The following DNAI4 variants were observed in gnomAD, a reference collection of about 807,000 sequenced individuals.
DNAI4 encodes the protein WD repeat domain 78.
A neutral mutation model predicts 105.8 loss-of-function variants in DNAI4; 85 were observed. The ratio of observed to expected loss-of-function variants is 0.80; its 90% CI spans 0.67 to 0.96. The LOEUF (loss-of-function observed/expected upper bound fraction) is 0.96, where lower values mean the gene tolerates loss of function less well. Among genes scored for constraint, DNAI4 ranks in the 40% least tolerant of loss-of-function variants. DNAI4 has a pLI of 0.00. For synonymous variants in DNAI4, 352 were observed against 331.5 expected (o/e 1.06, Z -0.67); for missense variants, 1,014 against 1,005.6 (o/e 1.01, Z -0.11).
intron 1 of DNAI4, among the ~76,000 whole-genome samples, chr1:66,911,297 C>G (rs531262334): frequency 6.6e-6 from 1 of 152,292 alleles, no homozygotes; most frequent in South Asian, 2.1e-4. Context: ...CTTACATGCT[C>G]TCTCTGGGCA....
intron 13 of DNAI4, among the ~76,000 whole-genome samples, chr1:66,832,231 A>G (rs1469489325): frequency 6.6e-6 from 1 of 152,250 alleles, no homozygotes; most frequent in Admixed American, 6.5e-5. Flanking sequence ...TAGTAAAAGT[A>G]AAAAATAAGA....
At position 66,814,183 on chromosome 1, in the gene DNAI4, G is replaced by GA. The variant is rs754119466; in HGVS notation, c.2497-4dup. 5.0e-3 allele frequency: 6,689 copies of GA among 1,344,210 alleles called. No homozygotes were observed. The highest frequency in any genetic ancestry group is 7.2e-3 in the Admixed American group (350 of 48,900). The allele number at this position is 1,344,210 out of a possible 1,614,324, so 83.3% of individuals were successfully genotyped here. A position where few individuals can be genotyped will look rare whatever the true frequency, so the allele number is the denominator to read the frequency against. On this transcript the variant is annotated splice_region_variant and splice_polypyrimidine_tract_variant and intron_variant, in intron 16 of 16. Coordinates refer to ENST00000371026, the MANE Select transcript of DNAI4 (RefSeq NM_024763.5). Reference sequence around the variant, plus strand: ...AGCAAAGTATCCATTATATCTCCCTGAAAAAAAAAAGTCACACAATTACAA... The same window carrying GA: ...AGCAAAGTATCCATTATATCTCCCTGAAAAAAAAAAAGTCACACAATTACAA...
Position 66,812,939 on chromosome 1 carries a change from C to G in DNAI4, c.*1191G>C, listed in dbSNP as rs1209974962. ...TCTTACACAAGGTGTTATAGAAAAT[C>G]CAATCTTTCAGAAAGACAAAAACAA... On this transcript the variant is annotated 3_prime_UTR_variant, in exon 17 of 17. Coordinates refer to ENST00000371026, the MANE Select transcript of DNAI4 (RefSeq NM_024763.5). 6.6e-6 allele frequency: 1 copy of G among 152,228 alleles called. No individual in the cohort carries two copies. Among genetic ancestry groups the G allele is most frequent in the Non-Finnish European group, 1.5e-5 (1 of 68,006 alleles). The allele number at this position is 152,228 out of a possible 1,614,324, so 9.4% of individuals were successfully genotyped here. A position where few individuals can be genotyped will look rare whatever the true frequency, so the allele number is the denominator to read the frequency against.
intron 4 of DNAI4, 58 bp downstream of exon 4, chr1:66,891,096 T>G (rs1366207983): frequency 8.8e-6 from 11 of 1,255,006 alleles, no homozygotes; most frequent in Non-Finnish European, 2.3e-6. Flanking sequence ...CAACCAATAA[T>G]AAGCATATTG....
intron 7 of DNAI4, among the ~76,000 whole-genome samples, chr1:66,860,007 A>G (rs777721975): frequency 2.6e-4 from 40 of 152,260 alleles, no homozygotes; most frequent in African/African-American, 4.3e-4. Flanking sequence ...TGGTTCACCA[A>G]TTGTAACAAA....
chr1:66,848,097 TC>T (rs2100530687), intron 7 of DNAI4: 1 of 410,534 alleles, frequency 2.4e-6, no homozygotes, highest in African/African-American at 2.1e-5. Context: ...ATCTTACAGT[TC>T]AGTAGATTAG....
chr1:66,869,493 T>C (rs191306358), intron 6 of DNAI4, among the ~76,000 whole-genome samples: 90 of 152,300 alleles, frequency 5.9e-4, no homozygotes, highest in Admixed American at 1.4e-3. Flanking sequence ...CAGTAATCCA[T>C]TTAAAAATAT....
intron 13 of DNAI4, among the ~76,000 whole-genome samples, chr1:66,830,968 C>G (rs1353860066): frequency 9.3e-6 from 1 of 107,448 alleles, no homozygotes; most frequent in Middle Eastern, 5.4e-3. Flanking sequence ...CAGAGTGAGA[C>G]TCTGTCACAA....
rs1299735980 is a variant in DNAI4, at chr1:66,878,068, T to C, written c.644-3131A>G. 3.9e-5 allele frequency among the ~76,000 whole-genome samples: 6 copies of C among 152,318 alleles called. No individual in the cohort carries two copies. In the East Asian group the frequency reaches 9.6e-4, roughly 24 times the overall value. ...AGTCAACATGCAAAGCCCATACTTG[T>C]AGAATGGGAAGTTAAGATCCACCTT... On this transcript the variant is annotated intron_variant, in intron 4 of 16. Coordinates refer to ENST00000371026, the MANE Select transcript of DNAI4 (RefSeq NM_024763.5).
intron 8 of DNAI4, among the ~76,000 whole-genome samples, chr1:66,841,111 T>C (rs1272334418): frequency 1.3e-5 from 2 of 152,220 alleles, no homozygotes; most frequent in Non-Finnish European, 2.9e-5. Flanking sequence ...TTGTCAGATT[T>C]ACTTCCCACA....
chr1:66,817,965 T>C (rs1645552281), intron 16 of DNAI4, among the ~76,000 whole-genome samples: 1 of 152,138 alleles, frequency 6.6e-6, no homozygotes, highest in Middle Eastern at 3.2e-3. Flanking sequence ...TGGCTAGTTG[T>C]GAAAATAATC....
intron 13 of DNAI4, chr1:66,828,672 A>G (rs1048927281): frequency 1.3e-5 from 2 of 152,186 alleles, no homozygotes; most frequent in Non-Finnish European, 2.9e-5. Flanking sequence ...TTTGTCTATA[A>G]CATGTTATAA....
chr1:66,919,093 TATTG>T (rs960644228), intron 1 of DNAI4: 2 of 444,746 alleles, frequency 4.5e-6, no homozygotes, highest in African/African-American at 4.0e-5. Context: ...TTCTTACATA[TATTG>T]ATTGATGTCT....
intron 1 of DNAI4, among the ~76,000 whole-genome samples, chr1:66,917,895 A>G (rs1650183112): frequency 6.6e-6 from 1 of 152,234 alleles, no homozygotes; most frequent in Non-Finnish European, 1.5e-5. Flanking sequence ...TTATGGAACC[A>G]ATAAAGCCCT....
At chr1:66,893,184 A>C (rs373484937) in intron 3 of DNAI4, 45 bp downstream of exon 3, 8 of 1,145,888 alleles carry the variant, frequency 7.0e-6, no homozygotes, top group Non-Finnish European at 8.1e-6. Context: ...ATGGAAAGGC[A>C]ATATATATGA....
chr1:66,891,610 C>T (rs975197095), intron 3 of DNAI4, among the ~76,000 whole-genome samples: 25 of 152,264 alleles, frequency 1.6e-4, no homozygotes, highest in Non-Finnish European at 2.2e-4. Context: ...TACAGGCTTG[C>T]GCCACCACGT....
intron 15 of DNAI4, 151 bp downstream of exon 15, chr1:66,826,669 C>T: frequency 1.5e-6 from 1 of 661,030 alleles, no homozygotes. Context: ...AATATAGCAT[C>T]CTGGCATTAT....
At chr1:66,834,472 ATTCT>A (rs1175300964) in intron 11 of DNAI4, among the ~76,000 whole-genome samples, 5 of 152,064 alleles carry the variant, frequency 3.3e-5, no homozygotes, top group African/African-American at 9.7e-5. Context: ...CTATTCATTA[ATTCT>A]TTCTGACTTT....
intron 8 of DNAI4, among the ~76,000 whole-genome samples, chr1:66,842,995 T>C (rs1412623340): frequency 6.6e-6 from 1 of 151,868 alleles, no homozygotes; most frequent in African/African-American, 2.4e-5. Context: ...TTCAGGAGTT[T>C]AAGACCAGCC....
Sources: gnomAD v4.1 joint callset for allele counts (sites outside exome capture counted in the v4.1 genomes callset) on GRCh38, gnomAD v4.1.1 for gene constraint, MANE v1.5 for transcripts, NCBI Gene and HGNC (gene_info 2026-07-23, HGNC 2026-07-21) for gene names.